SPRR2G: variants seen among roughly 807,000 people sequenced by gnomAD.
SPRR2G encodes small proline rich protein 2G.
A neutral mutation model predicts 0.7 loss-of-function variants in SPRR2G; 1 was observed. That is an observed-to-expected ratio of 1.49 (90% CI 0.53 to 7.06). SPRR2G has a LOEUF of 7.06. SPRR2G is among the 30% of genes most tolerant of loss of function. SPRR2G has a pLI of 0.14. For missense variants in SPRR2G, 96 were observed against 88.5 expected (o/e 1.09, Z -0.34); for synonymous variants, 38 against 33.9 (o/e 1.12, Z -0.42).
At chr1:153,180,762 C>G in the SPRR2G span, among the ~76,000 whole-genome samples, 1 of 152,156 alleles carries the variant, frequency 6.6e-6, no homozygotes, top group African/African-American at 2.4e-5. Context: ...TTGCTCCACA[C>G]TCTGTCTAAA....
the SPRR2G span, among the ~76,000 whole-genome samples, chr1:153,197,340 T>C: frequency 6.6e-6 from 1 of 151,984 alleles, no homozygotes; most frequent in Non-Finnish European, 1.5e-5. Context: ...ATTTTCAGCC[T>C]ACACAGCCCA....
At chr1:153,202,015 T>TA in the SPRR2G span, among the ~76,000 whole-genome samples, 1 of 152,246 alleles carries the variant, frequency 6.6e-6, no homozygotes, top group African/African-American at 2.4e-5. Flanking sequence ...CCCAAAGAGT[T>TA]AAACAAACGA....
At chr1:153,191,790 C>T in the SPRR2G span, 1 of 152,204 alleles carries the variant, frequency 6.6e-6, no homozygotes, top group South Asian at 2.1e-4. Flanking sequence ...CAACACACCA[C>T]AGTAGCACAA....
the SPRR2G span, among the ~76,000 whole-genome samples, chr1:153,160,880 G>A: frequency 6.6e-6 from 1 of 151,270 alleles, no homozygotes; most frequent in Non-Finnish European, 1.5e-5. Context: ...AGAAAATGTG[G>A]CACATATACA....
the SPRR2G span, among the ~76,000 whole-genome samples, chr1:153,177,810 A>G: frequency 6.6e-6 from 1 of 151,950 alleles, no homozygotes; most frequent in Admixed American, 6.6e-5. Flanking sequence ...GATTGTTTAA[A>G]CTTTTCTAGA....
the SPRR2G span, among the ~76,000 whole-genome samples, chr1:153,169,848 C>T: frequency 6.6e-6 from 1 of 152,206 alleles, no homozygotes; most frequent in African/African-American, 2.4e-5. Context: ...TTATTCTTCT[C>T]ACCCTCCAAA....
chr1:153,186,824 C>T, the SPRR2G span, among the ~76,000 whole-genome samples: 1 of 152,148 alleles, frequency 6.6e-6, no homozygotes, highest in Admixed American at 6.5e-5. Flanking sequence ...TATCTTTTTG[C>T]AGTGGCTGGT....
chr1:153,197,132 ATGTGTGTGTGTGTGTG>A, the SPRR2G span, among the ~76,000 whole-genome samples: 2,697 of 140,452 alleles, frequency 0.019, 71 homozygotes, highest in African/African-American at 0.057. Flanking sequence ...CAGGCAGAGA[ATGTGTGTGTGTGTGTG>A]TGTGTGTGTG....
the SPRR2G span, among the ~76,000 whole-genome samples, chr1:153,165,802 G>C: frequency 3.3e-5 from 5 of 152,166 alleles, no homozygotes; most frequent in Non-Finnish European, 4.4e-5. Flanking sequence ...AGTCCTTCTG[G>C]TGTGTCAGTG....
chr1:153,154,669 CT>C (rs953491314), upstream of SPRR2G, among the ~76,000 whole-genome samples: 3 of 152,052 alleles, frequency 2.0e-5, no homozygotes, highest in Non-Finnish European at 4.4e-5. Context: ...CTCTTAGGAT[CT>C]TTTTTATATC....
the SPRR2G span, among the ~76,000 whole-genome samples, chr1:153,165,511 G>C: frequency 6.6e-6 from 1 of 152,082 alleles, no homozygotes; most frequent in Admixed American, 6.6e-5. Flanking sequence ...CTCCTCAGAG[G>C]CATCAAATAG....
chr1:153,190,994 G>A, the SPRR2G span: 4 of 152,162 alleles, frequency 2.6e-5, no homozygotes, highest in African/African-American at 9.7e-5. Flanking sequence ...AAGGACAAAT[G>A]GAGGAAAGTG....
chr1:153,150,546 A>G (rs1656444808), intron 1 of SPRR2G, among the ~76,000 whole-genome samples: 1 of 152,154 alleles, frequency 6.6e-6, no homozygotes, highest in Non-Finnish European at 1.5e-5. Context: ...AAAAACTTGC[A>G]CCCATCACCC....
chr1:153,186,943 C>T, the SPRR2G span, among the ~76,000 whole-genome samples: 1 of 152,126 alleles, frequency 6.6e-6, no homozygotes, highest in Non-Finnish European at 1.5e-5. Flanking sequence ...GATTTTATTT[C>T]TCCTTCACTT....
At chr1:153,158,865 T>C in the SPRR2G span, among the ~76,000 whole-genome samples, 1 of 152,192 alleles carries the variant, frequency 6.6e-6, no homozygotes, top group Non-Finnish European at 1.5e-5. Context: ...GGTTTCAGAC[T>C]TGCACCCTTT....
the SPRR2G span, among the ~76,000 whole-genome samples, chr1:153,200,647 G>C: frequency 6.6e-6 from 1 of 151,976 alleles, no homozygotes; most frequent in Non-Finnish European, 1.5e-5. Context: ...TCGAGACCTG[G>C]ATGGCTAAGT....
the SPRR2G span, among the ~76,000 whole-genome samples, chr1:153,194,938 C>T: frequency 1.3e-5 from 2 of 152,172 alleles, no homozygotes; most frequent in Non-Finnish European, 2.9e-5. Context: ...GAATATCTCA[C>T]ATGTGAACAT....
At chr1:153,192,386 A>G in the SPRR2G span, among the ~76,000 whole-genome samples, 107 of 152,348 alleles carry the variant, frequency 7.0e-4, no homozygotes, top group Non-Finnish European at 1.1e-3. Context: ...CCAGCCACAC[A>G]ATAGCCTCTC....
In SPRR2G at chr1:153,149,935, T is replaced by A; in HGVS notation, c.176A>T (p.Gln59Leu). 2 of 1,614,064 alleles carry A rather than the reference T, an allele frequency of 1.2e-6. No homozygotes were observed. Among genetic ancestry groups the A allele is most frequent in the South Asian group, 2.2e-5 (2 of 91,070 alleles). ...PPCQDKCPPVQPYPPCQQKYP... is the reference protein window; with the variant it reads ...PPCQDKCPPVLPYPPCQQKYP... ...CTTCTGCTGGCAGGGTGGGTATGGT[T>A]GCACAGGAGGGCATTTATCCTGGCA... Residue 59 changes from glutamine to leucine, a missense_variant, in exon 2 of 2, where the codon CAA (glutamine) becomes CTA (leucine). Physicochemically the swap from Gln to Leu is moderately radical, Grantham distance 113 (BLOSUM62 -2). Coordinates refer to ENST00000368748, the MANE Select transcript of SPRR2G (RefSeq NM_001014291.4).
Sources: allele counts gnomAD v4.1 joint callset (sites outside exome capture counted in the v4.1 genomes callset), GRCh38; gene constraint gnomAD v4.1.1; transcripts MANE v1.5; gene names NCBI Gene and HGNC (gene_info 2026-07-23, HGNC 2026-07-21).